The following GTF3C5 variants were observed in gnomAD, a reference collection of about 807,000 sequenced individuals.
GTF3C5 encodes general transcription factor IIIC subunit 5, also known as general transcription factor 3C polypeptide 5.
A neutral mutation model predicts 61.0 loss-of-function variants in GTF3C5; 47 were observed. The ratio of observed to expected loss-of-function variants is 0.77; its 90% CI spans 0.61 to 0.98. The LOEUF (loss-of-function observed/expected upper bound fraction) is 0.98. Ranked by LOEUF, GTF3C5 falls within the 50% of genes least tolerant of loss-of-function variation. The probability of loss-of-function intolerance (pLI) is 0.00; values close to 1 mark genes in which losing one functional copy is unlikely to be tolerated. For missense variants in GTF3C5, 659 were observed against 703.3 expected, an observed-to-expected ratio of 0.94 and a Z score of 0.71; for synonymous variants, 295 against 275.4, an observed-to-expected ratio of 1.07 and a Z score of -0.71.
At chr9:133,052,532 C>T (rs1850416884) in intron 5 of GTF3C5, among the ~76,000 whole-genome samples, 2 of 152,276 alleles carry the variant, frequency 1.3e-5, no homozygotes, top group East Asian at 1.9e-4. Flanking sequence ...CCCCTGACCA[C>T]AGCGGCCCCA....
intron 3 of GTF3C5, among the ~76,000 whole-genome samples, chr9:133,046,047 C>G (rs1850192521): frequency 6.6e-6 from 1 of 152,086 alleles, no homozygotes; most frequent in African/African-American, 2.4e-5. Flanking sequence ...GGGCTTGGGC[C>G]TAGTGTAGTG....
chr9:133,043,087 C>T (rs1040513346), intron 2 of GTF3C5, among the ~76,000 whole-genome samples: 2 of 152,042 alleles, frequency 1.3e-5, no homozygotes, highest in African/African-American at 4.8e-5. Flanking sequence ...TTGAGAAGGG[C>T]AAAGAGGACT....
Position 133,043,940 on chromosome 9 carries a change from C to T in GTF3C5, c.572+14C>T. 1.9e-6 allele frequency: 3 copies of T among 1,598,452 alleles called. No individual in the cohort carries two copies. Among genetic ancestry groups the T allele is most frequent in the Non-Finnish European group, 2.6e-6 (3 of 1,166,390 alleles). On this transcript the variant is annotated intron_variant, in intron 3 of 10. Coordinates refer to ENST00000372097, the MANE Select transcript of GTF3C5 (RefSeq NM_012087.4). The stretch of plus-strand genomic sequence containing the variant: ...GACCCAGCACCGGTAAGGCCCCCCT[C>T]CATGCAGCCTCGGTTCTCTATCCTG...
intron 5 of GTF3C5, among the ~76,000 whole-genome samples, chr9:133,053,490 T>G (rs56257774): frequency 2.1e-4 from 32 of 152,080 alleles, no homozygotes; most frequent in African/African-American, 7.0e-4. Flanking sequence ...GAGGCTGAGG[T>G]AGGAGGATCA....
At chr9:133,032,807 TTCCCGTTAG>T (rs1291815987) in intron 1 of GTF3C5, among the ~76,000 whole-genome samples, 1 of 152,198 alleles carries the variant, frequency 6.6e-6, no homozygotes, top group Non-Finnish European at 1.5e-5. Flanking sequence ...CCGAACAATC[TTCCCGTTAG>T]ATCAGTGAAG....
chr9:133,054,346 C>A, intron 6 of GTF3C5, 62 bp from the exon 7 acceptor site: 1 of 1,361,516 alleles, frequency 7.3e-7, no homozygotes, highest in Non-Finnish European at 1.1e-6. Context: ...CAGTGTGAAG[C>A]CAGTGTTGTG....
At chr9:133,043,602 AC>A (rs1437171888) in intron 2 of GTF3C5, 125 bp from the exon 3 acceptor site, 2 of 720,022 alleles carry the variant, frequency 2.8e-6, no homozygotes, top group African/African-American at 3.5e-5. Flanking sequence ...TTTTCCTGCC[AC>A]CCTCACCCTG....
intron 1 of GTF3C5, among the ~76,000 whole-genome samples, chr9:133,034,720 G>C (rs893061256): frequency 3.3e-5 from 5 of 152,158 alleles, no homozygotes; most frequent in African/African-American, 1.2e-4. Context: ...GTGATCCCCA[G>C]GCTGATGCTG....
Position 133,054,408 on chromosome 9 carries a change from G to T in GTF3C5, c.989G>T (p.Gly330Val). Residue 330 changes from glycine to valine, a missense_variant and splice_region_variant, in exon 7 of 11, where the codon GGT becomes GTT. By Grantham distance (109) the Gly-to-Val change is moderately radical (BLOSUM62 -3). Transcript: ENST00000372097. Reference protein sequence around the residue: ...DFRIRCGMKHGYAPSDLPVKA... With the variant: ...DFRIRCGMKHVYAPSDLPVKA... ...CTGACTTGCCCGCCCTCGCCTACAGGTTACGCCCCCAGTGACTTGCCGGTC... is the reference window on the plus strand; with the variant it reads ...CTGACTTGCCCGCCCTCGCCTACAGTTTACGCCCCCAGTGACTTGCCGGTC... 1 of 1,614,034 alleles carries T rather than the reference G, an allele frequency of 6.2e-7. No homozygotes were observed. Among genetic ancestry groups the T allele is most frequent in the Non-Finnish European group, 8.5e-7 (1 of 1,179,962 alleles).
chr9:133,031,138 C>G lies in GTF3C5; in HGVS notation c.127C>G (p.Leu43Val), dbSNP rs764494784. The G allele has an allele frequency of 1.1e-5, 17 of 1,587,620 alleles. No individual in the cohort carries two copies. Among genetic ancestry groups the G allele is most frequent in the East Asian group, 6.9e-5 (3 of 43,520 alleles). Residue 43 changes from leucine (L) to valine (V), a missense_variant, in exon 1 of 11, where the codon CTG becomes GTG. Leu to Val is a conservative substitution (Grantham distance 32, BLOSUM62 1). Coordinates refer to ENST00000372097, the MANE Select transcript of GTF3C5 (RefSeq NM_012087.4). ...VRDVAKMLPTLGGEEGVSRIY... is the reference protein window; with the variant it reads ...VRDVAKMLPTVGGEEGVSRIY... ...TGATGTGGCTAAGATGCTGCCGACT[C>G]TGGGCGGCGAGGAAGGCGTCTCCCG...
Position 133,056,053 on chromosome 9 carries a change from T to C in GTF3C5, c.1209T>C (p.Tyr403=). The change falls in exon 9 of 11, where the codon TAT becomes TAC. Residue 403 remains tyrosine, a synonymous_variant. Coordinates refer to ENST00000372097, the MANE Select transcript of GTF3C5 (RefSeq NM_012087.4). Reference sequence around the variant, plus strand: ...TCCGGGAAGGGGCCTTGCCACCCTATCGGCAGATGTTCTACCAGTTATGCG... The same window carrying C: ...TCCGGGAAGGGGCCTTGCCACCCTACCGGCAGATGTTCTACCAGTTATGCG... The part of the protein sequence containing the change: ...YIFREGALPP[Y]RQMFYQLCDL... 2 of 1,614,144 alleles carry C rather than the reference T, an allele frequency of 1.2e-6. No individual in the cohort carries two copies. Among genetic ancestry groups the C allele is most frequent in the Non-Finnish European group, 8.5e-7 (1 of 1,179,988 alleles).
chr9:133,042,215 G>A lies in GTF3C5; in HGVS notation c.282G>A (p.Arg94=). The change falls in exon 2 of 11, where the codon CGG becomes CGA. Residue 94 remains arginine, a synonymous_variant. Coordinates refer to ENST00000372097, the MANE Select transcript of GTF3C5 (RefSeq NM_012087.4). ...TCCGCATCAGGAAGAGAACGAGGCG[G>A]CAGAAAGGGGTGCTGGGCACTGAGG... is the stretch of plus-strand genomic sequence containing the variant. ...LLLRIRKRTR[R]QKGVLGTEAH... 6.2e-7 allele frequency: 1 copy of A among 1,613,958 alleles called. No individual in the cohort carries two copies. The highest frequency in any genetic ancestry group is 8.5e-7 in the Non-Finnish European group (1 of 1,179,758).
intron 3 of GTF3C5, among the ~76,000 whole-genome samples, chr9:133,049,900 C>T (rs1012024432): frequency 8.5e-5 from 13 of 152,128 alleles, no homozygotes; most frequent in African/African-American, 3.1e-4. Context: ...TAGAGTGGGG[C>T]GCTTGTTACC....
At chr9:133,031,277 GT>G in intron 1 of GTF3C5, 113 bp downstream of exon 1, 2 of 859,504 alleles carry the variant, frequency 2.3e-6, no homozygotes, top group Non-Finnish European at 3.6e-6. Flanking sequence ...ACGCAGAAGG[GT>G]GCTGCTCGCT....
At chr9:133,048,841 A>G (rs768034847) in intron 3 of GTF3C5, among the ~76,000 whole-genome samples, 4 of 152,026 alleles carry the variant, frequency 2.6e-5, no homozygotes, top group Admixed American at 2.0e-4. Flanking sequence ...CTCCCTCCCC[A>G]TGTGGTTTAT....
intron 3 of GTF3C5, chr9:133,044,163 A>AG (rs1850132243): frequency 1.9e-6 from 1 of 533,656 alleles, no homozygotes; most frequent in South Asian, 2.3e-5. Context: ...AAAAAAAAAA[A>AG]AAAAAAGAAA....
Position 133,040,196 on chromosome 9 carries a change from G to A in GTF3C5, c.154-1891G>A, listed in dbSNP as rs369307296. Among the ~76,000 whole-genome samples, 177 of 152,246 alleles carry A rather than the reference G, an allele frequency of 1.2e-3. No individual in the cohort carries two copies. The South Asian group carries it at 0.014, about 12-fold the overall frequency. ...CAGGCCTACGTTTGGGTTCATTCCC[G>A]CCCCATCGGGACTCAGAGGTGTGTG... On this transcript the variant is annotated intron_variant, in intron 1 of 10. Transcript: ENST00000372097.
intron 3 of GTF3C5, 58 bp downstream of exon 3, chr9:133,043,984 C>A: frequency 7.9e-7 from 1 of 1,264,826 alleles, no homozygotes. Context: ...ATGGTCCGGG[C>A]ACGGAGGCTC....
At chr9:133,036,096 T>C (rs2118974746) in intron 1 of GTF3C5, among the ~76,000 whole-genome samples, 1 of 152,308 alleles carries the variant, frequency 6.6e-6, no homozygotes, top group Non-Finnish European at 1.5e-5. Context: ...ATATCCATTA[T>C]GTCTTTTTCC....
Sources: allele counts gnomAD v4.1 joint callset (sites outside exome capture counted in the v4.1 genomes callset), GRCh38; gene constraint gnomAD v4.1.1; transcripts MANE v1.5; gene names NCBI Gene and HGNC (gene_info 2026-07-23, HGNC 2026-07-21).